RIMBP2: variants seen among roughly 807,000 people sequenced by gnomAD.
The protein encoded by RIMBP2 is RIMS-binding protein 2.
In RIMBP2, 48 loss-of-function variants were observed where a neutral mutation model predicts 118.6. The ratio of observed to expected loss-of-function variants is 0.40; its 90% CI spans 0.32 to 0.51. The LOEUF (loss-of-function observed/expected upper bound fraction) is 0.51, where lower values mean the gene tolerates loss of function less well. Ranked by LOEUF, RIMBP2 falls within the 20% of genes least tolerant of loss-of-function variation. RIMBP2 has a pLI of 0.41. For synonymous variants in RIMBP2, 762 were observed against 742.9 expected (o/e 1.03, Z -0.42); for missense variants, 1,551 against 1,768.3 (o/e 0.88, Z 2.20).
chr12:130,689,537 C>T (rs1198450721), intron 1 of RIMBP2, among the ~76,000 whole-genome samples: 1 of 152,164 alleles, frequency 6.6e-6, no homozygotes, highest in Non-Finnish European at 1.5e-5. Context: ...GATCCAGGAT[C>T]AGTAGCAGCT....
chr12:130,674,307 C>T (rs979516186), intron 1 of RIMBP2, among the ~76,000 whole-genome samples: 7 of 152,170 alleles, frequency 4.6e-5, no homozygotes, highest in African/African-American at 9.7e-5. Context: ...GCGTCCTGTA[C>T]GGCTGGTGGA....
rs919950549 is a variant in RIMBP2 at position 130,511,544 on chromosome 12, G to GC, written c.-126-4775dup. On this transcript the variant is annotated intron_variant, in intron 3 of 22. Transcript: ENST00000690449. The surrounding 1 kb of genome is among the most constrained non-coding windows in gnomAD (Gnocchi z 4.3). ...GTTTGTCACTTCCTCTACTGGTACA[G>GC]CCCCCAGGGCTTCAGTCACCCCAGT... 6.6e-5 allele frequency among the ~76,000 whole-genome samples: 10 copies of GC among 152,246 alleles called. No homozygotes were observed. Among genetic ancestry groups the GC allele is most frequent in the African/African-American group, 2.2e-4 (9 of 41,550 alleles).
chr12:130,640,335 C>A (rs2062561998), intron 1 of RIMBP2, among the ~76,000 whole-genome samples: 1 of 152,212 alleles, frequency 6.6e-6, no homozygotes, highest in Non-Finnish European at 1.5e-5. Flanking sequence ...TTTGCTCCCA[C>A]TAAAGGCCCT....
At chr12:130,615,720 G>A (rs914610061) in intron 2 of RIMBP2, among the ~76,000 whole-genome samples, 1 of 152,154 alleles carries the variant, frequency 6.6e-6, no homozygotes, top group Non-Finnish European at 1.5e-5. Context: ...GACATGCATT[G>A]CTTACCTGGG....
intron 2 of RIMBP2, among the ~76,000 whole-genome samples, chr12:130,616,506 A>C (rs1566374684): frequency 1.3e-5 from 2 of 152,178 alleles, no homozygotes; most frequent in Non-Finnish European, 2.9e-5. Context: ...ACCTGTCTAC[A>C]AGGCAGGATT....
chr12:130,647,453 TA>T (rs2063042445), intron 1 of RIMBP2, among the ~76,000 whole-genome samples: 1 of 107,886 alleles, frequency 9.3e-6, no homozygotes, highest in African/African-American at 2.9e-5. Context: ...CTATAGAAGC[TA>T]AAGCATCATC....
chr12:130,559,917 G>C (rs536097474), intron 2 of RIMBP2, among the ~76,000 whole-genome samples: 9 of 152,274 alleles, frequency 5.9e-5, no homozygotes, highest in Non-Finnish European at 1.2e-4. Context: ...TGCCTCGAAG[G>C]GTTGTTTAGG....
At chr12:130,533,132 T>C (rs1185572731) in intron 2 of RIMBP2, among the ~76,000 whole-genome samples, 1 of 151,532 alleles carries the variant, frequency 6.6e-6, no homozygotes, top group East Asian at 1.9e-4. Flanking sequence ...AGGAGGGACG[T>C]CTAATGAGAT....
At chr12:130,582,540 C>T (rs2058548962) in intron 2 of RIMBP2, among the ~76,000 whole-genome samples, 1 of 152,214 alleles carries the variant, frequency 6.6e-6, no homozygotes, top group Admixed American at 6.5e-5. Context: ...CTGGTGAGCA[C>T]AAGCATTTGC....
At chr12:130,537,480 G>A (rs1432419440) in intron 2 of RIMBP2, among the ~76,000 whole-genome samples, 1 of 152,176 alleles carries the variant, frequency 6.6e-6, no homozygotes, top group Non-Finnish European at 1.5e-5. Context: ...CCACATGTTT[G>A]CCATATTGCC....
intron 9 of RIMBP2, among the ~76,000 whole-genome samples, chr12:130,449,444 C>T (rs1326080514): frequency 1.3e-5 from 2 of 152,230 alleles, no homozygotes; most frequent in African/African-American, 4.8e-5. Context: ...GGCCCCTGCA[C>T]GGGAAGCCCA....
chr12:130,705,610 T>C (rs2066071130), intron 1 of RIMBP2, among the ~76,000 whole-genome samples: 1 of 152,252 alleles, frequency 6.6e-6, no homozygotes, highest in Non-Finnish European at 1.5e-5. Flanking sequence ...TGTGTTTCTC[T>C]GCGGTTCTCA....
chr12:130,435,028 G>A (rs1419656356), intron 13 of RIMBP2, 148 bp from the exon 14 acceptor site: 7 of 728,164 alleles, frequency 9.6e-6, no homozygotes, highest in East Asian at 5.9e-5. Context: ...CCGCCCTCTC[G>A]CTGCCCCAGA....
intron 4 of RIMBP2, among the ~76,000 whole-genome samples, chr12:130,495,978 A>G (rs2138560248): frequency 6.6e-6 from 1 of 152,326 alleles, no homozygotes; most frequent in East Asian, 1.9e-4. Context: ...ACTGAGATCA[A>G]CGGGAACGTC....
chr12:130,481,890 G>A (rs554974956), intron 4 of RIMBP2, among the ~76,000 whole-genome samples: 190 of 151,918 alleles, frequency 1.3e-3, no homozygotes, highest in Non-Finnish European at 2.1e-3. Context: ...CATTTCTAAC[G>A]GTCTCTTTCC....
At chr12:130,415,956 T>C (rs11614520) in intron 17 of RIMBP2, among the ~76,000 whole-genome samples, 1,766 of 125,996 alleles carry the variant, frequency 0.014, 16 homozygotes, top group Non-Finnish European at 0.02. Flanking sequence ...CCATTGACAA[T>C]AGCCACACAC....
In RIMBP2 at chr12:130,670,120, C is replaced by CG. The variant is rs1191777735; in HGVS notation, c.-351-41665dup. Among the ~76,000 whole-genome samples the CG allele has an allele frequency of 6.6e-6, 1 of 151,956 alleles. No homozygotes were observed. The highest frequency in any genetic ancestry group is 1.5e-5 in the Non-Finnish European group (1 of 68,006). On this transcript the variant is annotated intron_variant, in intron 1 of 22. Transcript: ENST00000690449. The surrounding 1 kb of genome is among the most constrained non-coding windows in gnomAD (Gnocchi z 4.9). ...AGAAGAGGAGAGGGTAATGTGACCC[C>CG]GGGGGCAGACACTGGAGTGATGCTG...
chr12:130,576,998 G>C lies in RIMBP2; in HGVS notation c.-217+51324C>G, dbSNP rs543004911. The stretch of plus-strand genomic sequence containing the variant: ...GAGGAGACAAAATGTCCCGGCTGCA[G>C]CCTGAGGTTTGCAAGGTCACCATGG... On this transcript the variant is annotated intron_variant, in intron 2 of 22. Transcript: ENST00000690449. The surrounding 1 kb of genome is among the most constrained non-coding windows in gnomAD (Gnocchi z 4.2). Among the ~76,000 whole-genome samples the C allele has an allele frequency of 1.3e-5, 2 of 152,312 alleles. No homozygotes were observed. The highest frequency in any genetic ancestry group is 3.9e-4 in the East Asian group (2 of 5,172).
intron 2 of RIMBP2, among the ~76,000 whole-genome samples, chr12:130,588,591 C>T (rs1033305108): frequency 6.6e-6 from 1 of 152,206 alleles, no homozygotes; most frequent in Non-Finnish European, 1.5e-5. Context: ...CGTGTATCAG[C>T]ACCCACCAGA....
Sources: allele counts gnomAD v4.1 joint callset (sites outside exome capture counted in the v4.1 genomes callset), GRCh38; gene constraint gnomAD v4.1.1; non-coding constraint Gnocchi (gnomAD v3.1); transcripts MANE v1.5; gene names NCBI Gene and HGNC (gene_info 2026-07-23, HGNC 2026-07-21).